Variants in NKAIN2 observed in about 807,000 individuals in gnomAD.
NKAIN2 encodes the protein sodium/potassium-transporting ATPase subunit beta-1-interacting protein 2.
A neutral mutation model predicts 32.6 loss-of-function variants in NKAIN2; 14 were observed. The observed-to-expected ratio is 0.43, with a 90% CI of 0.28 to 0.67. The LOEUF (loss-of-function observed/expected upper bound fraction) is 0.67. Ranked by LOEUF, NKAIN2 falls within the 30% of genes least tolerant of loss-of-function variation. NKAIN2 has a pLI of 0.17. For synonymous variants in NKAIN2, 80 were observed against 87.2 expected (o/e 0.92, Z 0.46); for missense variants, 198 against 258.3 (o/e 0.77, Z 1.60).
rs552556549 is a variant in NKAIN2 at position 123,967,271 on chromosome 6, C to T, written c.54+163017C>T. Among the ~76,000 whole-genome samples the T allele has an allele frequency of 8.6e-4, 131 of 152,228 alleles. 1 individual carries two copies. The highest frequency in any genetic ancestry group is 2.8e-3 in the African/African-American group (115 of 41,538). ...TGTATGTTTTAAGCCATTGAGACTC[C>T]GAGAGTTTTCTTTGAAATTGCAAAT... On this transcript the variant is annotated intron_variant, in intron 1 of 6. Transcript: ENST00000368417.
chr6:123,972,237 T>C (rs1006352124), intron 1 of NKAIN2, among the ~76,000 whole-genome samples: 1 of 152,242 alleles, frequency 6.6e-6, no homozygotes, highest in Admixed American at 6.5e-5. Flanking sequence ...AGGTTATTAG[T>C]AGTTAAGTTT....
At position 124,479,403 on chromosome 6, in the gene NKAIN2, CA is replaced by C. The variant is rs1777358793; in HGVS notation, c.273+124057del. On this transcript the variant is annotated intron_variant, in intron 3 of 6. Coordinates refer to ENST00000368417, the MANE Select transcript of NKAIN2 (RefSeq NM_001040214.3). ...TCAAAACCTTTTGGTAAATGTCAAA[CA>C]GACTTTATTTTAAGAAATACAGTGG... Among the ~76,000 whole-genome samples, 3 of 152,214 alleles carry C rather than the reference CA, an allele frequency of 2.0e-5. No individual in the cohort carries two copies. In the South Asian group the frequency reaches 6.2e-4, roughly 32 times the overall value.
intron 1 of NKAIN2, among the ~76,000 whole-genome samples, chr6:124,111,561 A>G (rs1294132195): frequency 3.3e-5 from 5 of 151,856 alleles, no homozygotes; most frequent in African/African-American, 7.2e-5. Flanking sequence ...ATCATTTTCT[A>G]TCCCTTCACT....
At chr6:124,738,387 G>A (rs901701280) in intron 4 of NKAIN2, among the ~76,000 whole-genome samples, 1 of 151,738 alleles carries the variant, frequency 6.6e-6, no homozygotes. Context: ...CCAAAGAGTG[G>A]TTCAATAATG....
At chr6:124,026,139 G>T (rs984716219) in intron 1 of NKAIN2, among the ~76,000 whole-genome samples, 2 of 152,060 alleles carry the variant, frequency 1.3e-5, no homozygotes, top group Non-Finnish European at 2.9e-5. Context: ...ATCAGACTTA[G>T]CATAAATGTA....
At chr6:124,816,303 G>A (rs1311442246) in intron 5 of NKAIN2, among the ~76,000 whole-genome samples, 2 of 152,126 alleles carry the variant, frequency 1.3e-5, no homozygotes, top group Non-Finnish European at 2.9e-5. Flanking sequence ...ATTAGGAGGA[G>A]CACAGGGGAA....
chr6:124,242,524 C>A (rs1373371239), intron 1 of NKAIN2, among the ~76,000 whole-genome samples: 2 of 152,092 alleles, frequency 1.3e-5, no homozygotes, highest in Non-Finnish European at 2.9e-5. Flanking sequence ...TACCATTTGA[C>A]CCAGCAATCC....
chr6:124,720,029 C>T lies in NKAIN2; in HGVS notation c.474+61643C>T, dbSNP rs1775938081. On this transcript the variant is annotated intron_variant, in intron 4 of 6. Transcript: ENST00000368417. Reference sequence around the variant, plus strand: ...TTTCAGGAATTTTTGCTGATTAGATCCTCATTCTTTCTTTAGAGGACTGAA... The same window carrying T: ...TTTCAGGAATTTTTGCTGATTAGATTCTCATTCTTTCTTTAGAGGACTGAA... 2.6e-5 allele frequency among the ~76,000 whole-genome samples: 4 copies of T among 152,158 alleles called. No homozygotes were observed. The South Asian group carries it at 8.3e-4, about 32-fold the overall frequency.
At chr6:123,895,178 C>T (rs866346928) in intron 1 of NKAIN2, among the ~76,000 whole-genome samples, 1 of 151,478 alleles carries the variant, frequency 6.6e-6, no homozygotes, top group African/African-American at 2.4e-5. Context: ...CTTTCTGTCT[C>T]TCTCTGTCTC....
chr6:124,201,239 G>C (rs1284763845), intron 1 of NKAIN2, among the ~76,000 whole-genome samples: 1 of 151,742 alleles, frequency 6.6e-6, no homozygotes, highest in Non-Finnish European at 1.5e-5. Context: ...GGCATGTGGT[G>C]GGGGGGCGAT....
intron 4 of NKAIN2, among the ~76,000 whole-genome samples, chr6:124,783,013 A>G (rs1038060457): frequency 3.9e-5 from 6 of 152,036 alleles, no homozygotes; most frequent in Admixed American, 6.6e-5. Flanking sequence ...TGGTAGTTCT[A>G]TTGCACTAGA....
intron 4 of NKAIN2, among the ~76,000 whole-genome samples, chr6:124,687,169 T>C (rs1171859144): frequency 1.4e-5 from 2 of 148,088 alleles, no homozygotes; most frequent in Non-Finnish European, 3.0e-5. Context: ...ATATTCTCTA[T>C]ATATATTCCA....
At position 124,824,409 on chromosome 6, in the gene NKAIN2, T is replaced by C. The variant is rs1049171358; in HGVS notation, c.*1180T>C. On this transcript the variant is annotated 3_prime_UTR_variant, in exon 7 of 7. Transcript: ENST00000368417. ...TGGTGAAATATTTGAGATCTTTTTG[T>C]GGTATTTGGGGGATCTGTTGTGTGT... 2 of 152,194 alleles carry C rather than the reference T, an allele frequency of 1.3e-5. No individual in the cohort carries two copies. Among genetic ancestry groups the C allele is most frequent in the African/African-American group, 4.8e-5 (2 of 41,402 alleles). The allele number at this position is 152,194 out of a possible 1,614,324, so 9.4% of individuals were successfully genotyped here.
intron 3 of NKAIN2, among the ~76,000 whole-genome samples, chr6:124,408,758 A>T (rs1224398492): frequency 2.0e-5 from 3 of 152,080 alleles, no homozygotes; most frequent in African/African-American, 7.2e-5. Flanking sequence ...CTTAATGGGG[A>T]TGGTATTGAA....
chr6:124,772,487 G>T (rs1174066165), intron 4 of NKAIN2, among the ~76,000 whole-genome samples: 1 of 152,186 alleles, frequency 6.6e-6, no homozygotes, highest in Non-Finnish European at 1.5e-5. Context: ...AGCACTGAAG[G>T]GAGATATCAG....
At chr6:124,088,197 C>G (rs1784271048) in intron 1 of NKAIN2, among the ~76,000 whole-genome samples, 1 of 151,842 alleles carries the variant, frequency 6.6e-6, no homozygotes, top group South Asian at 2.1e-4. Flanking sequence ...AACATTAGCT[C>G]ACTTGATGCC....
chr6:124,039,543 G>A (rs1360266340), intron 1 of NKAIN2, among the ~76,000 whole-genome samples: 2 of 151,728 alleles, frequency 1.3e-5, no homozygotes, highest in East Asian at 3.9e-4. Context: ...TAATTGACAT[G>A]TATTGTTTTT....
intron 1 of NKAIN2, among the ~76,000 whole-genome samples, chr6:123,941,077 G>A (rs761374051): frequency 5.3e-5 from 8 of 151,132 alleles, no homozygotes; most frequent in Non-Finnish European, 8.9e-5. Context: ...GGTTAAAAAC[G>A]AAGACACAAA....
chr6:124,377,458 T>G (rs1800042320), intron 3 of NKAIN2, among the ~76,000 whole-genome samples: 2 of 152,152 alleles, frequency 1.3e-5, no homozygotes, highest in Admixed American at 1.3e-4. Context: ...GTGTACCAGA[T>G]GGACATAGCA....
Sources: gnomAD v4.1 joint callset for allele counts (sites outside exome capture counted in the v4.1 genomes callset) on GRCh38, gnomAD v4.1.1 for gene constraint, MANE v1.5 for transcripts, NCBI Gene and HGNC (gene_info 2026-07-23, HGNC 2026-07-21) for gene names.